ZSCAN32: variants seen among roughly 807,000 people sequenced by gnomAD.
The protein encoded by ZSCAN32 is zinc finger and SCAN domain-containing protein 32.
ZSCAN32 carries 52 observed loss-of-function variants against 47.4 expected under a neutral mutation model. The ratio of observed to expected loss-of-function variants is 1.10; its 90% confidence interval spans 0.88 to 1.38. The LOEUF is 1.38. Among genes scored for constraint, ZSCAN32 ranks in the 40% most tolerant of loss-of-function variants. The probability of loss-of-function intolerance (pLI) is 0.00; values close to 1 mark genes in which losing one functional copy is unlikely to be tolerated. For missense variants in ZSCAN32, 959 were observed against 846.0 expected (o/e 1.13, Z -1.66); for synonymous variants, 346 against 305.7 (o/e 1.13, Z -1.38).
In ZSCAN32 at chr16:3,390,536, G is replaced by A. The variant is rs560887671; in HGVS notation, c.533-19C>T. The A allele has an allele frequency of 1.0e-5, 16 of 1,541,702 alleles. No individual in the cohort carries two copies. The highest frequency in any genetic ancestry group is 9.8e-5 in the Admixed American group (5 of 50,950). ...AGCCAGGCTGGGGGAAAAAACAGCCGCTATTAGAGGGCGGCTTCCACACAA... is the reference window on the plus strand; with the variant it reads ...AGCCAGGCTGGGGGAAAAAACAGCCACTATTAGAGGGCGGCTTCCACACAA... On this transcript the variant is annotated intron_variant, in intron 3 of 6. Transcript: ENST00000396852.
intron 1 of ZSCAN32, among the ~76,000 whole-genome samples, chr16:3,400,090 A>G (rs1258667966): frequency 5.3e-5 from 8 of 152,218 alleles, no homozygotes; most frequent in African/African-American, 1.9e-4. Context: ...AAAAATGGTT[A>G]TGATGGTAAA....
rs375567911 is a variant in ZSCAN32 at position 3,383,333 on chromosome 16, C to T, written c.1613G>A (p.Arg538Gln). The T allele has an allele frequency of 1.1e-4, 170 of 1,614,138 alleles. 1 individual carries two copies. Among genetic ancestry groups the T allele is most frequent in the South Asian group, 5.1e-4 (46 of 91,076 alleles). The change falls in exon 7 of 7, where the codon CGG (arginine) becomes CAG (glutamine). Residue 538 changes from arginine to glutamine, a missense_variant. Physicochemically the swap from Arg to Gln is conservative, Grantham distance 43. Coordinates refer to ENST00000396852, the MANE Select transcript of ZSCAN32 (RefSeq NM_001284527.2). Reference protein sequence around the residue: ...KTFSRSSYLVRHQRIHTGEKP... With the variant: ...KTFSRSSYLVQHQRIHTGEKP... ...CTCGCCTGTGTGGATTCTTTGATGCCGAACAAGATAAGAACTTCGGCTAAA... is the reference window on the plus strand; with the variant it reads ...CTCGCCTGTGTGGATTCTTTGATGCTGAACAAGATAAGAACTTCGGCTAAA...
chr16:3,397,631 T>G lies in ZSCAN32; in HGVS notation c.-74A>C, dbSNP rs563517023. The G allele has an allele frequency of 6.7e-5, 97 of 1,441,878 alleles. No individual in the cohort carries two copies. In the South Asian group the frequency reaches 1.2e-3, roughly 18 times the overall value. The allele number at this position is 1,441,878 out of a possible 1,614,324, so 89.3% of individuals were successfully genotyped here. On this transcript the variant is annotated 5_prime_UTR_variant, in exon 2 of 7. Coordinates refer to ENST00000396852, the MANE Select transcript of ZSCAN32 (RefSeq NM_001284527.2). ...TCAGAGTCCATCTTTCCCACATCAC[T>G]GGGAAGCCATGTTCTCCTGCAAGGA...
chr16:3,400,048 G>T (rs1480448380), intron 1 of ZSCAN32, among the ~76,000 whole-genome samples: 1 of 152,180 alleles, frequency 6.6e-6, no homozygotes, highest in Non-Finnish European at 1.5e-5. Context: ...ACAACAAGAT[G>T]AATATACTCA....
intron 1 of ZSCAN32, among the ~76,000 whole-genome samples, chr16:3,397,958 C>G (rs1035869227): frequency 6.6e-6 from 1 of 152,188 alleles, no homozygotes; most frequent in African/African-American, 2.4e-5. Context: ...TAGGATCTAA[C>G]CAACTCCATC....
intron 6 of ZSCAN32, 176 bp downstream of exon 6, chr16:3,384,279 AGGGC>A: frequency 3.7e-6 from 3 of 807,354 alleles, no homozygotes; most frequent in Admixed American, 2.8e-5. Context: ...ATGCAAAATC[AGGGC>A]TGTAAAATGC....
chr16:3,387,577 A>G (rs906773639), intron 5 of ZSCAN32, among the ~76,000 whole-genome samples: 1 of 152,190 alleles, frequency 6.6e-6, no homozygotes, highest in African/African-American at 2.4e-5. Context: ...GCATTCCAAC[A>G]TCTGGTCATG....
chr16:3,400,088 T>G (rs2033747355), intron 1 of ZSCAN32, among the ~76,000 whole-genome samples: 1 of 152,148 alleles, frequency 6.6e-6, no homozygotes, highest in African/African-American at 2.4e-5. Flanking sequence ...TTAAAAATGG[T>G]TATGATGGTA....
chr16:3,384,673 G>A lies in ZSCAN32; in HGVS notation c.1020C>T (p.Gly340=). The change falls in exon 6 of 7, where the codon GGC becomes GGT. Residue 340 remains glycine, a synonymous_variant. Transcript: ENST00000396852. ...IFYEEMNALS[G]SWASAPPMAS... is the part of the protein sequence containing the mutation. ...CCATAGGAGGTGCAGAGGCCCAGGA[G>A]CCTGAAAGAGCATTCATTTCCTCAT... is the stretch of plus-strand genomic sequence containing the variant. 6.2e-7 allele frequency: 1 copy of A among 1,614,188 alleles called. No homozygotes were observed. Among genetic ancestry groups the A allele is most frequent in the South Asian group, 1.1e-5 (1 of 91,084 alleles).
Position 3,383,059 on chromosome 16 carries a change from C to T in ZSCAN32, c.1887G>A (p.Gly629=), listed in dbSNP as rs1297860323. ...QFSAHRRIHT[G]ESPYKCAVCG... is the part of the protein sequence containing the mutation. ...ACACTGCACACTTGTATGGGCTCTCCCCAGTGTGGATGCGCCGGTGAGCAC... is the reference window on the plus strand; with the variant it reads ...ACACTGCACACTTGTATGGGCTCTCTCCAGTGTGGATGCGCCGGTGAGCAC... Residue 629 remains glycine (G), a synonymous_variant, in exon 7 of 7, where the codon GGG becomes GGA. Transcript: ENST00000396852. The T allele has an allele frequency of 2.5e-6, 4 of 1,614,158 alleles. No homozygotes were observed. The South Asian group carries it at 3.3e-5, about 13-fold the overall frequency.
At position 3,383,650 on chromosome 16, in the gene ZSCAN32, T is replaced by TC. The variant is rs760191911; in HGVS notation, c.1295_1296insG (p.Glu433ArgfsTer18). ...TTCTCTGTAAAGCCTTGTTTATTTC[T>TC]ACTTCCTCTGAATCATCCCATTTTA... On this transcript the variant is annotated frameshift_variant, in exon 7 of 7. Coordinates refer to ENST00000396852, the MANE Select transcript of ZSCAN32 (RefSeq NM_001284527.2). LOFTEE classifies it low-confidence loss of function (END_TRUNC). 3 of 1,611,882 alleles carry TC rather than the reference T, an allele frequency of 1.9e-6. No homozygotes were observed. Among genetic ancestry groups the TC allele is most frequent in the Non-Finnish European group, 2.5e-6 (3 of 1,179,896 alleles).
At position 3,383,403 on chromosome 16, in the gene ZSCAN32, G is replaced by A. The variant is rs2031501819; in HGVS notation, c.1543C>T (p.Leu515Phe). Residue 515 changes from leucine (L) to phenylalanine (F), a missense_variant, in exon 7 of 7, where the codon CTC becomes TTC. By Grantham distance (22) the Leu-to-Phe change is conservative. Coordinates refer to ENST00000396852, the MANE Select transcript of ZSCAN32 (RefSeq NM_001284527.2). The stretch of plus-strand genomic sequence containing the variant: ...CATTGAGATACTTTTTCCAGTTTGA[G>A]CGCTGGCTTGTGGGGAGAGTGCACA... Reference protein sequence around the residue: ...QSVHSPHKPALKLEKVSQCPE... With the variant: ...QSVHSPHKPAFKLEKVSQCPE... The A allele has an allele frequency of 6.2e-7, 1 of 1,614,072 alleles. No individual in the cohort carries two copies. The highest frequency in any genetic ancestry group is 8.5e-7 in the Non-Finnish European group (1 of 1,180,036).
At chr16:3,392,275 AGGTGAT>A (rs1421674267) in intron 3 of ZSCAN32, among the ~76,000 whole-genome samples, 3 of 152,172 alleles carry the variant, frequency 2.0e-5, no homozygotes, top group Non-Finnish European at 4.4e-5. Context: ...AACTAGACAG[AGGTGAT>A]GGCTGCATAA....
rs771885789 is a variant in ZSCAN32 at position 3,383,200 on chromosome 16, A to C, written c.1746T>G (p.Cys582Trp). The change falls in exon 7 of 7, where the codon TGT (cysteine) becomes TGG (tryptophan). Residue 582 changes from cysteine (C) to tryptophan (W), a missense_variant. By Grantham distance (215) the Cys-to-Trp change is radical. Transcript: ENST00000396852. The part of the protein sequence containing the change: ...TGERPYQCGQ[C>W]GKSFNQSSSL... ...TGGAACTCTGGTTGAAGCTTTTCCC[A>C]CATTGCCCACACTGATAGGGCCTCT... is the stretch of plus-strand genomic sequence containing the variant. 2.5e-6 allele frequency: 4 copies of C among 1,613,900 alleles called. No individual in the cohort carries two copies. Among genetic ancestry groups the C allele is most frequent in the Non-Finnish European group, 3.4e-6 (4 of 1,179,960 alleles).
intron 1 of ZSCAN32, among the ~76,000 whole-genome samples, chr16:3,398,900 C>G (rs1407618776): frequency 2.6e-5 from 4 of 152,216 alleles, no homozygotes; most frequent in Non-Finnish European, 5.9e-5. Context: ...TTTCCCACTT[C>G]TAGTAGCAGC....
chr16:3,398,315 CCA>C (rs1396425593), intron 1 of ZSCAN32, among the ~76,000 whole-genome samples: 3 of 152,032 alleles, frequency 2.0e-5, no homozygotes, highest in Non-Finnish European at 4.4e-5. Flanking sequence ...TCTGTGGCTC[CCA>C]CCCAAAATCG....
At position 3,384,739 on chromosome 16, in the gene ZSCAN32, G is replaced by A. The variant is rs372030348; in HGVS notation, c.954C>T (p.Arg318=). 5.6e-6 allele frequency: 9 copies of A among 1,614,074 alleles called. No homozygotes were observed. In the African/African-American group the frequency reaches 9.3e-5, roughly 17 times the overall value. The part of the protein sequence containing the change: ...TKFKSLQLSY[R]KVRRGRVPEP... ...CAGGCACACGGCCTCTCCTCACTTT[G>A]CGGTAACTCAACTGTAGGCTTTTGA... Residue 318 remains arginine, a synonymous_variant, in exon 6 of 7, where the codon CGC becomes CGT. Coordinates refer to ENST00000396852, the MANE Select transcript of ZSCAN32 (RefSeq NM_001284527.2).
chr16:3,393,227 T>TTATATATATA (rs1555474376), intron 3 of ZSCAN32, among the ~76,000 whole-genome samples: 3 of 23,700 alleles, frequency 1.3e-4, no homozygotes, highest in African/African-American at 4.2e-4. Flanking sequence ...TATATATATA[T>TTATATATATA]AAATTTATAT....
At position 3,390,046 on chromosome 16, in the gene ZSCAN32, C is replaced by T. The variant is rs771380607; in HGVS notation, c.715G>A (p.Gly239Ser). Residue 239 changes from glycine (G) to serine (S), a missense_variant, in exon 5 of 7, where the codon GGT becomes AGT. By Grantham distance (56) the Gly-to-Ser change is moderately conservative (BLOSUM62 0). Transcript: ENST00000396852. Reference protein sequence around the residue: ...PGPAQRALYRGATQRKDSHVS... With the variant: ...PGPAQRALYRSATQRKDSHVS... ...TGACTGTCCTTCCTCTGGGTGGCAC[C>T]CCTGTAGAGGGCCCTTTGTGCAGGG... 6.2e-7 allele frequency: 1 copy of T among 1,613,684 alleles called. No individual in the cohort carries two copies. Among genetic ancestry groups the T allele is most frequent in the Non-Finnish European group, 8.5e-7 (1 of 1,179,892 alleles).
Sources: gnomAD v4.1 joint callset for allele counts (sites outside exome capture counted in the v4.1 genomes callset) on GRCh38, gnomAD v4.1.1 for gene constraint, MANE v1.5 for transcripts, NCBI Gene and HGNC (gene_info 2026-07-23, HGNC 2026-07-21) for gene names.